SLC44A5: variants seen among roughly 807,000 people sequenced by gnomAD.
SLC44A5 encodes the protein choline transporter-like protein 5.
A neutral mutation model predicts 101.8 loss-of-function variants in SLC44A5; 57 were observed. The observed-to-expected ratio is 0.56, with a 90% confidence interval of 0.45 to 0.70. The LOEUF (loss-of-function observed/expected upper bound fraction) is 0.70. Among genes scored for constraint, SLC44A5 ranks in the 30% least tolerant of loss-of-function variants. The pLI is 0.00. For synonymous variants in SLC44A5, 281 were observed against 290.9 expected (o/e 0.97, Z 0.35); for missense variants, 737 against 853.1 (o/e 0.86, Z 1.70).
chr1:75,420,107 A>G (rs1323008245), intron 2 of SLC44A5, among the ~76,000 whole-genome samples: 1 of 152,008 alleles, frequency 6.6e-6, no homozygotes, highest in African/African-American at 2.4e-5. Flanking sequence ...CATCCCTTCT[A>G]CCCTATGAAA....
chr1:75,660,300 A>C, the SLC44A5 span, among the ~76,000 whole-genome samples: 1 of 152,214 alleles, frequency 6.6e-6, no homozygotes. Context: ...TGATGAAAAC[A>C]TTTGACAAAC....
At chr1:75,615,951 GCGAGCC>G (rs1675861190), upstream of SLC44A5, 1 of 904,144 alleles carries the variant, frequency 1.1e-6, no homozygotes, top group Non-Finnish European at 1.3e-6. Flanking sequence ...CAGCTCCCAG[GCGAGCC>G]CTCGCCGCGG....
At chr1:75,460,921 T>C (rs1666460515) in intron 2 of SLC44A5, among the ~76,000 whole-genome samples, 1 of 152,148 alleles carries the variant, frequency 6.6e-6, no homozygotes, top group Non-Finnish European at 1.5e-5. Flanking sequence ...TTTTCCATTC[T>C]TACATAATTC....
intron 2 of SLC44A5, among the ~76,000 whole-genome samples, chr1:75,400,283 A>C (rs995883821): frequency 2.6e-5 from 4 of 152,218 alleles, no homozygotes; most frequent in African/African-American, 9.6e-5. Context: ...TCCAAACCCC[A>C]GCATTATGCA....
At chr1:75,297,756 A>T (rs1654079133) in intron 5 of SLC44A5, among the ~76,000 whole-genome samples, 1 of 152,210 alleles carries the variant, frequency 6.6e-6, no homozygotes, top group African/African-American at 2.4e-5. Flanking sequence ...AAGGGCTATT[A>T]CCATAAAGGT....
chr1:75,370,313 T>C (rs573962394), intron 3 of SLC44A5, among the ~76,000 whole-genome samples: 6 of 152,358 alleles, frequency 3.9e-5, no homozygotes, highest in Non-Finnish European at 7.3e-5. Context: ...AATTTGTTTA[T>C]TGAAATTTTT....
At chr1:75,543,451 G>A (rs569504634) in intron 1 of SLC44A5, among the ~76,000 whole-genome samples, 1 of 151,780 alleles carries the variant, frequency 6.6e-6, no homozygotes, top group African/African-American at 2.4e-5. Context: ...TTTTCTCCAT[G>A]TTTACTTTCA....
chr1:75,226,911 A>C (rs2100537773), intron 13 of SLC44A5, among the ~76,000 whole-genome samples: 1 of 152,314 alleles, frequency 6.6e-6, no homozygotes, highest in East Asian at 1.9e-4. Flanking sequence ...AATATTAAAA[A>C]ATATCCTTAA....
At chr1:75,402,892 G>A (rs751577420) in intron 2 of SLC44A5, among the ~76,000 whole-genome samples, 2 of 152,156 alleles carry the variant, frequency 1.3e-5, no homozygotes, top group Non-Finnish European at 2.9e-5. Context: ...GAGCCAAGTG[G>A]TCTAGCTCAG....
chr1:75,404,657 T>A (rs979011807), intron 2 of SLC44A5, among the ~76,000 whole-genome samples: 1 of 152,192 alleles, frequency 6.6e-6, no homozygotes, highest in Non-Finnish European at 1.5e-5. Flanking sequence ...TGAGAAGTTT[T>A]GTCACCACCA....
At chr1:75,222,134 T>G (rs1002524501) in intron 14 of SLC44A5, among the ~76,000 whole-genome samples, 1 of 152,036 alleles carries the variant, frequency 6.6e-6, no homozygotes, top group African/African-American at 2.4e-5. Context: ...TTTTGTATCT[T>G]TAGTAGAGAC....
the SLC44A5 span, among the ~76,000 whole-genome samples, chr1:75,718,664 T>C: frequency 6.6e-6 from 1 of 152,166 alleles, no homozygotes; most frequent in Non-Finnish European, 1.5e-5. Flanking sequence ...CTTTCTCTCC[T>C]AGGACTGATC....
upstream of SLC44A5, among the ~76,000 whole-genome samples, chr1:75,612,977 G>A (rs552817669): frequency 8.5e-5 from 13 of 152,274 alleles, no homozygotes; most frequent in African/African-American, 3.1e-4. Flanking sequence ...CTTTTGATGA[G>A]ATGTCACAAA....
chr1:75,286,353 A>G (rs915397702), intron 5 of SLC44A5, among the ~76,000 whole-genome samples: 5 of 152,028 alleles, frequency 3.3e-5, no homozygotes, highest in Non-Finnish European at 7.4e-5. Context: ...CCTTAAGTTC[A>G]TGTGAGTCCT....
At chr1:75,488,386 C>T (rs1188724568) in intron 2 of SLC44A5, among the ~76,000 whole-genome samples, 7 of 152,064 alleles carry the variant, frequency 4.6e-5, no homozygotes, top group African/African-American at 1.7e-4. Context: ...AATTGGAACA[C>T]AATGCTAAGT....
At chr1:75,248,501 C>T (rs74094382) in intron 7 of SLC44A5, among the ~76,000 whole-genome samples, 18,386 of 152,004 alleles carry the variant, frequency 0.12, 1,222 homozygotes, top group Middle Eastern at 0.19. Context: ...GGCAGGCAAA[C>T]GGATGTCAGA....
intron 1 of SLC44A5, among the ~76,000 whole-genome samples, chr1:75,601,356 C>T (rs1335526271): frequency 1.2e-5 from 1 of 84,796 alleles, no homozygotes; most frequent in East Asian, 3.9e-4. Context: ...AGGGGAACAT[C>T]AAACACTGGG....
chr1:75,331,850 C>A (rs931219577), intron 4 of SLC44A5, among the ~76,000 whole-genome samples: 1 of 152,166 alleles, frequency 6.6e-6, no homozygotes, highest in Non-Finnish European at 1.5e-5. Context: ...CTCTGCCTGA[C>A]TTACTCCTCT....
intron 7 of SLC44A5, among the ~76,000 whole-genome samples, chr1:75,248,894 A>G (rs1649337260): frequency 6.6e-6 from 1 of 152,136 alleles, no homozygotes. Context: ...GATTTCACTG[A>G]GAGACTGTGG....
Sources: gnomAD v4.1 joint callset for allele counts (sites outside exome capture counted in the v4.1 genomes callset) on GRCh38, gnomAD v4.1.1 for gene constraint, MANE v1.5 for transcripts, NCBI Gene and HGNC (gene_info 2026-07-23, HGNC 2026-07-21) for gene names.